ZBTB20: variants seen among roughly 807,000 people sequenced by gnomAD.
The protein encoded by ZBTB20 is zinc finger and BTB domain-containing protein 20.
ZBTB20 carries 9 observed loss-of-function variants against 56.9 expected under a neutral mutation model. The ratio of observed to expected loss-of-function variants is 0.16; its 90% CI spans 0.10 to 0.28. The LOEUF is 0.28. Ranked by LOEUF, ZBTB20 falls within the 10% of genes least tolerant of loss-of-function variation. ZBTB20 has a pLI of 1.00. For synonymous variants in ZBTB20, 417 were observed against 420.7 expected (o/e 0.99, Z 0.11); for missense variants, 655 against 1,003.0 (o/e 0.65, Z 4.69).
At chr3:114,890,011 C>T (rs547825963) in intron 4 of ZBTB20, among the ~76,000 whole-genome samples, 3 of 152,110 alleles carry the variant, frequency 2.0e-5, no homozygotes, top group East Asian at 1.9e-4. Flanking sequence ...GGAAACTGAG[C>T]GTAAAAGCAC....
At chr3:114,409,124 ACTTTTTTTT>A (rs749578574) in intron 7 of ZBTB20, among the ~76,000 whole-genome samples, 1 of 107,420 alleles carries the variant, frequency 9.3e-6, no homozygotes, top group Non-Finnish European at 1.8e-5. Flanking sequence ...AAAAGGGAAG[ACTTTTTTTT>A]TTTTTTTTTT....
At chr3:114,496,235 G>A (rs558865455) in intron 7 of ZBTB20, among the ~76,000 whole-genome samples, 2 of 152,274 alleles carry the variant, frequency 1.3e-5, no homozygotes, top group East Asian at 1.9e-4. Context: ...CATGGGGCCC[G>A]GCTGTGCATG....
intron 4 of ZBTB20, among the ~76,000 whole-genome samples, chr3:114,861,262 G>A (rs76981103): frequency 1.6e-4 from 25 of 151,712 alleles, no homozygotes; most frequent in Middle Eastern, 3.4e-3. Flanking sequence ...ATTTTTTTCC[G>A]GAAATTATGT....
intron 6 of ZBTB20, among the ~76,000 whole-genome samples, chr3:114,560,609 T>G (rs992125798): frequency 3.9e-5 from 6 of 152,290 alleles, no homozygotes; most frequent in African/African-American, 1.4e-4. Flanking sequence ...GCAGGGATAC[T>G]TTGGAGATGT....
At position 114,316,225 on chromosome 3, in the gene ZBTB20, C is replaced by G; in HGVS notation, c.*22780G>C. ...GAACATTACTGCATTCGCATCGGATCAAGATGGTTTCGCCCATTTTTCCTT... is the reference window on the plus strand; with the variant it reads ...GAACATTACTGCATTCGCATCGGATGAAGATGGTTTCGCCCATTTTTCCTT... On this transcript the variant is annotated 3_prime_UTR_variant, in exon 12 of 12. Transcript: ENST00000675478. The G allele has an allele frequency of 3.2e-6, 1 of 316,654 alleles. No homozygotes were observed. The highest frequency in any genetic ancestry group is 2.6e-5 in the South Asian group (1 of 38,148). 19.6% of individuals were successfully genotyped at this position (316,654 alleles called of 1,614,324 possible).
chr3:114,761,135 A>G (rs548161169), intron 5 of ZBTB20, among the ~76,000 whole-genome samples: 3 of 152,336 alleles, frequency 2.0e-5, no homozygotes, highest in African/African-American at 7.2e-5. Context: ...ACCATAGTTC[A>G]GTAACATCTA....
At chr3:114,961,470 G>T (rs2077449159) in intron 3 of ZBTB20, among the ~76,000 whole-genome samples, 1 of 151,996 alleles carries the variant, frequency 6.6e-6, no homozygotes, top group Non-Finnish European at 1.5e-5. Context: ...TATCTTAAAA[G>T]ATGCCTTATG....
At chr3:114,722,693 C>T (rs943952474) in intron 5 of ZBTB20, among the ~76,000 whole-genome samples, 1 of 152,178 alleles carries the variant, frequency 6.6e-6, no homozygotes, top group Non-Finnish European at 1.5e-5. Flanking sequence ...GACTCCTTTT[C>T]AATCACACTC....
intron 7 of ZBTB20, among the ~76,000 whole-genome samples, chr3:114,455,792 T>C (rs116260537): frequency 4.9e-4 from 75 of 152,212 alleles, no homozygotes; most frequent in African/African-American, 1.7e-3. Flanking sequence ...CACTCCAAGG[T>C]ACAGTTAAAA....
At chr3:114,370,198 T>TC (rs996780988) in intron 10 of ZBTB20, among the ~76,000 whole-genome samples, 23 of 152,352 alleles carry the variant, frequency 1.5e-4, no homozygotes, top group African/African-American at 5.5e-4. Flanking sequence ...CACTGGTTTT[T>TC]CTCAGTCTAT....
chr3:114,677,434 C>G (rs1486367147), intron 6 of ZBTB20, among the ~76,000 whole-genome samples: 3 of 152,102 alleles, frequency 2.0e-5, no homozygotes, highest in African/African-American at 7.2e-5. Flanking sequence ...AGATCAGCAG[C>G]AGCATTAGAT....
At chr3:114,981,656 T>G (rs1385973304) in intron 2 of ZBTB20, among the ~76,000 whole-genome samples, 3 of 152,024 alleles carry the variant, frequency 2.0e-5, no homozygotes, top group Non-Finnish European at 4.4e-5. Context: ...ACAAAAACTC[T>G]AGGAGGTAGG....
intron 5 of ZBTB20, among the ~76,000 whole-genome samples, chr3:114,768,219 C>A (rs2068921377): frequency 6.6e-6 from 1 of 151,840 alleles, no homozygotes; most frequent in South Asian, 2.1e-4. Flanking sequence ...CCAAGTCAAC[C>A]CTTAAGGATC....
intron 10 of ZBTB20, among the ~76,000 whole-genome samples, chr3:114,353,917 A>G (rs2080947398): frequency 6.6e-6 from 1 of 152,186 alleles, no homozygotes; most frequent in Non-Finnish European, 1.5e-5. Context: ...TGGCATTTAA[A>G]CCCAGGCAGT....
chr3:114,769,323 T>C (rs891063893), intron 5 of ZBTB20, among the ~76,000 whole-genome samples: 6 of 151,746 alleles, frequency 4.0e-5, no homozygotes, highest in Admixed American at 3.9e-4. Flanking sequence ...CCAACCCAAA[T>C]GCCCATCAAT....
At chr3:114,565,760 T>C (rs1324876962) in intron 6 of ZBTB20, among the ~76,000 whole-genome samples, 1 of 152,070 alleles carries the variant, frequency 6.6e-6, no homozygotes, top group African/African-American at 2.4e-5. Context: ...AAAATGCTTA[T>C]CTCACCCCAA....
intron 6 of ZBTB20, among the ~76,000 whole-genome samples, chr3:114,511,917 AAGCTCTTATATCTAGGGCTCC>A (rs2045442359): frequency 6.6e-6 from 1 of 152,098 alleles, no homozygotes; most frequent in African/African-American, 2.4e-5. Flanking sequence ...AGCCTAAATC[AAGCTCTTATATCTAGGGCTCC>A]AGCCTTTGGC....
chr3:114,375,111 G>T (rs999636701), intron 10 of ZBTB20, among the ~76,000 whole-genome samples: 4 of 152,200 alleles, frequency 2.6e-5, no homozygotes, highest in Non-Finnish European at 4.4e-5. Flanking sequence ...TGAACAAAAA[G>T]AAATACACAA....
intron 3 of ZBTB20, among the ~76,000 whole-genome samples, chr3:114,929,185 C>T (rs1005339837): frequency 6.6e-6 from 1 of 152,216 alleles, no homozygotes; most frequent in Non-Finnish European, 1.5e-5. Context: ...AATCACACTG[C>T]AGGAGGTGGC....
Sources: gnomAD v4.1 joint callset for allele counts (sites outside exome capture counted in the v4.1 genomes callset) on GRCh38, gnomAD v4.1.1 for gene constraint, MANE v1.5 for transcripts, NCBI Gene and HGNC (gene_info 2026-07-23, HGNC 2026-07-21) for gene names.